Variants in FAM153A observed in about 807,000 individuals in gnomAD.
The protein encoded by FAM153A is family with sequence similarity 153 member A.
FAM153A carries 12 observed loss-of-function variants against 48.1 expected under a neutral mutation model. The observed-to-expected ratio is 0.25, with a 90% CI of 0.16 to 0.40. The LOEUF is 0.40. Among genes scored for constraint, FAM153A ranks in the 10% least tolerant of loss-of-function variants. The pLI is 1.00. For synonymous variants in FAM153A, 36 were observed against 118.2 expected, an observed-to-expected ratio of 0.30 and a Z score of 4.51; for missense variants, 111 against 345.8, an observed-to-expected ratio of 0.32 and a Z score of 5.38.
chr5:177,724,178 T>A, exon 21 of FAM153A: 1 of 1,603,094 alleles, frequency 6.2e-7, no homozygotes, highest in Non-Finnish European at 8.5e-7. Flanking sequence ...CTGGGCTTCC[T>A]GGTTTTCTTC....
chr5:177,696,309 C>T, the FAM153A span, among the ~76,000 whole-genome samples: 78 of 125,926 alleles, frequency 6.2e-4, 1 homozygote, highest in Non-Finnish European at 7.3e-4. Context: ...GGGTGGCGGC[C>T]GGGCAGAGGC....
At chr5:177,739,190 G>A (rs1248804859) in intron 9 of FAM153A, 53 bp from the exon 12 acceptor site, 23 of 1,588,814 alleles carry the variant, frequency 1.4e-5, no homozygotes, top group Non-Finnish European at 1.9e-5. Context: ...CTGTCTCTGT[G>A]CACAGGTCTT....
At chr5:177,752,639 A>G (rs1414854157) in intron 1 of FAM153A, among the ~76,000 whole-genome samples, 1 of 88,922 alleles carries the variant, frequency 1.1e-5, no homozygotes, top group Non-Finnish European at 2.3e-5. Flanking sequence ...AAAAAAAAAA[A>G]AAAGAAAAGT....
chr5:177,737,564 C>T (rs548634463), intron 10 of FAM153A, among the ~76,000 whole-genome samples: 6 of 151,334 alleles, frequency 4.0e-5, no homozygotes, highest in African/African-American at 1.2e-4. Flanking sequence ...CTTCTTGCCC[C>T]AGCTGGAGTA....
downstream of FAM153A, chr5:177,708,007 G>A (rs1419654268): frequency 6.6e-6 from 1 of 151,986 alleles, no homozygotes; most frequent in Non-Finnish European, 1.5e-5. Context: ...ACACAGTGCT[G>A]GGGGGACATA....
chr5:177,759,328 G>C (rs1231153409), intron 1 of FAM153A, among the ~76,000 whole-genome samples: 1 of 151,716 alleles, frequency 6.6e-6, no homozygotes, highest in Non-Finnish European at 1.5e-5. Context: ...ACAGGTGCTG[G>C]AGAGGATGTG....
At chr5:177,717,297 C>T (rs558775025), downstream of FAM153A, 202 of 141,154 alleles carry the variant, frequency 1.4e-3, 2 homozygotes, top group African/African-American at 5.5e-3. Context: ...TTTCATTTGC[C>T]TGTTGAAAGA....
At chr5:177,750,095 C>T (rs1443952902) in intron 2 of FAM153A, 7 of 150,006 alleles carry the variant, frequency 4.7e-5, no homozygotes, top group Non-Finnish European at 8.9e-5. Flanking sequence ...CAAAACGATA[C>T]AAAAGATCTT....
intron 6 of FAM153A, among the ~76,000 whole-genome samples, chr5:177,743,600 CCAG>C (rs72245648): frequency 0.33 from 26,869 of 80,314 alleles, 3,796 homozygotes; most frequent in Middle Eastern, 0.41. Context: ...TCTCAGTTTC[CCAG>C]CAGAACTCGC....
chr5:177,778,317 G>T (rs1769397762), intron 1 of FAM153A, among the ~76,000 whole-genome samples: 1 of 75,826 alleles, frequency 1.3e-5, no homozygotes, highest in Non-Finnish European at 2.6e-5. Flanking sequence ...AGAAAATAAT[G>T]GGAAATAAGC....
At chr5:177,719,291 C>T (rs1399639628), downstream of FAM153A, among the ~76,000 whole-genome samples, 7 of 150,008 alleles carry the variant, frequency 4.7e-5, no homozygotes, top group South Asian at 2.1e-4. Context: ...GATCCTGACA[C>T]GTTATCAAAG....
chr5:177,706,996 A>G (rs560907178), downstream of FAM153A: 1 of 152,140 alleles, frequency 6.6e-6, no homozygotes, highest in East Asian at 1.9e-4. Flanking sequence ...TTCAGCAAGA[A>G]GGTAGGACAG....
chr5:177,759,280 A>G (rs1768068407), intron 1 of FAM153A, among the ~76,000 whole-genome samples: 2 of 151,748 alleles, frequency 1.3e-5, no homozygotes, highest in Non-Finnish European at 2.9e-5. Flanking sequence ...ACCATCTCAC[A>G]CCAGTTAGAA....
chr5:177,754,039 A>C (rs1055287392), upstream of FAM153A, among the ~76,000 whole-genome samples: 3 of 151,916 alleles, frequency 2.0e-5, no homozygotes, highest in African/African-American at 7.3e-5. Context: ...AGGGCAAGGC[A>C]TTGCCTCACC....
rs1764169567 is a variant in FAM153A at position 177,733,373 on chromosome 5, A to G, written c.760+1007T>C. Among the ~76,000 whole-genome samples, 2 of 144,504 alleles carry G rather than the reference A, an allele frequency of 1.4e-5. 1 individual carries two copies. The highest frequency in any genetic ancestry group is 3.0e-5 in the Non-Finnish European group (2 of 66,322). 94.8% of individuals were successfully genotyped at this position (144,504 alleles called of 152,430 possible). A position where few individuals can be genotyped will look rare whatever the true frequency, so the allele number is the denominator to read the frequency against. On this transcript the variant is annotated intron_variant, in intron 14 of 20. Transcript: ENST00000614127. ...GTGCTCGCCCTGCCTCTCAGACCCT[A>G]GGGCAAACCCCTTGGTTTTCTTTTC...
At chr5:177,760,695 G>T (rs376274434) in intron 1 of FAM153A, among the ~76,000 whole-genome samples, 4,129 of 41,054 alleles carry the variant, frequency 0.1, 286 homozygotes, top group East Asian at 0.24. Flanking sequence ...CTTTGTCACG[G>T]TGTCAGTGCT....
downstream of FAM153A, among the ~76,000 whole-genome samples, chr5:177,709,666 T>C (rs1216233698): frequency 2.4e-5 from 3 of 123,380 alleles, no homozygotes; most frequent in African/African-American, 8.5e-5. Flanking sequence ...CGGCTGGGTT[T>C]TTTTTTTGTT....
the FAM153A span, among the ~76,000 whole-genome samples, chr5:177,696,127 G>A: frequency 1.9e-3 from 203 of 107,054 alleles, 8 homozygotes; most frequent in African/African-American, 7.6e-3. Flanking sequence ...GGGCAGAGGC[G>A]CTCCTCACTT....
downstream of FAM153A, among the ~76,000 whole-genome samples, chr5:177,706,012 C>A (rs186812201): frequency 2.2e-3 from 330 of 151,822 alleles, no homozygotes; most frequent in Non-Finnish European, 3.3e-3. Context: ...ATTTTGCATG[C>A]ATGGATTGAA....
Sources: allele counts gnomAD v4.1 joint callset (sites outside exome capture counted in the v4.1 genomes callset), GRCh38; gene constraint gnomAD v4.1.1; transcripts MANE v1.5; gene names NCBI Gene and HGNC (gene_info 2026-07-23, HGNC 2026-07-21).